The following FLI1 variants were observed in gnomAD, a reference collection of about 807,000 sequenced individuals.
FLI1 encodes Friend leukemia integration 1 transcription factor.
In FLI1, 13 loss-of-function variants were observed where a neutral mutation model predicts 53.1. The ratio of observed to expected loss-of-function variants is 0.24; its 90% CI spans 0.16 to 0.39. FLI1 has a LOEUF of 0.39. Ranked by LOEUF, FLI1 falls within the 10% of genes least tolerant of loss-of-function variation. The pLI is 1.00. For missense variants in FLI1, 424 were observed against 600.5 expected (o/e 0.71, Z 3.07); for synonymous variants, 244 against 236.7 (o/e 1.03, Z -0.28).
intron 1 of FLI1, among the ~76,000 whole-genome samples, chr11:128,724,129 G>A (rs1185699384): frequency 6.6e-6 from 1 of 151,970 alleles, no homozygotes; most frequent in Non-Finnish European, 1.5e-5. Flanking sequence ...ATTTTTAGTA[G>A]AGATGGGGTT....
chr11:128,687,760 G>C (rs1937604470), intron 1 of FLI1, among the ~76,000 whole-genome samples: 1 of 152,152 alleles, frequency 6.6e-6, no homozygotes, highest in African/African-American at 2.4e-5. Context: ...AGGAAAACTT[G>C]TCACACGGAC....
At chr11:128,783,446 C>T (rs957126760) in intron 5 of FLI1, among the ~76,000 whole-genome samples, 1 of 152,220 alleles carries the variant, frequency 6.6e-6, no homozygotes, top group African/African-American at 2.4e-5. Flanking sequence ...TTCCTTCTCT[C>T]CTATCCCACC....
chr11:128,721,476 T>C (rs1269140343), intron 1 of FLI1, among the ~76,000 whole-genome samples: 1 of 152,226 alleles, frequency 6.6e-6, no homozygotes, highest in Non-Finnish European at 1.5e-5. Context: ...TTTTGCTTTA[T>C]GTTTGAAATT....
At chr11:128,700,519 G>A (rs1233399722) in intron 1 of FLI1, among the ~76,000 whole-genome samples, 1 of 152,192 alleles carries the variant, frequency 6.6e-6, no homozygotes, top group Middle Eastern at 3.2e-3. Context: ...ACAGGTGATG[G>A]AGAGGATGGG....
chr11:128,807,550 AAG>A (rs1942817162), intron 7 of FLI1, among the ~76,000 whole-genome samples: 1 of 152,192 alleles, frequency 6.6e-6, no homozygotes, highest in Admixed American at 6.5e-5. Flanking sequence ...TGGTTAATGA[AAG>A]AAATAGGGCT....
intron 1 of FLI1, among the ~76,000 whole-genome samples, chr11:128,751,628 G>A (rs192665969): frequency 4.6e-5 from 7 of 151,600 alleles, no homozygotes; most frequent in South Asian, 2.1e-4. Flanking sequence ...CCGGGTTCAC[G>A]CCATTCTCCC....
At chr11:128,792,435 C>G (rs1942299812) in intron 5 of FLI1, among the ~76,000 whole-genome samples, 1 of 152,324 alleles carries the variant, frequency 6.6e-6, no homozygotes, top group South Asian at 2.1e-4. Flanking sequence ...AGAAATTCCA[C>G]TATAAAGAGG....
At chr11:128,720,708 A>G (rs1939216671) in intron 1 of FLI1, among the ~76,000 whole-genome samples, 1 of 152,224 alleles carries the variant, frequency 6.6e-6, no homozygotes, top group Admixed American at 6.5e-5. Flanking sequence ...GCAGCCACTA[A>G]TAATAGAAGG....
chr11:128,810,073 A>G lies in FLI1; in HGVS notation c.830-386A>G, dbSNP rs2135924133. ...AGGGAATTCCCTGGGGGACATGACC[A>G]CTAATTAGAGATCAGTCAGTGATTC... On this transcript the variant is annotated intron_variant, in intron 8 of 8. Transcript: ENST00000527786. The surrounding 1 kb of genome is among the most constrained non-coding windows in gnomAD (Gnocchi z 6.6). 6.6e-6 allele frequency among the ~76,000 whole-genome samples: 1 copy of G among 151,996 alleles called. No homozygotes were observed. The highest frequency in any genetic ancestry group is 1.9e-4 in the East Asian group (1 of 5,174).
chr11:128,691,906 G>A (rs1175905713), upstream of FLI1: 2 of 152,172 alleles, frequency 1.3e-5, no homozygotes, highest in African/African-American at 4.8e-5. Flanking sequence ...AGGAGGGTGG[G>A]GGGCAGTCGC....
Position 128,759,424 on chromosome 11 carries a change from G to A in FLI1, c.230+1098G>A, listed in dbSNP as rs17137788. ...AGCTGACAGTCCTTGCGCACAGACGGTAGGATGGGAGAGTCAGAAAGACAA... is the reference window on the plus strand; with the variant it reads ...AGCTGACAGTCCTTGCGCACAGACGATAGGATGGGAGAGTCAGAAAGACAA... On this transcript the variant is annotated intron_variant, in intron 2 of 8. Coordinates refer to ENST00000527786, the MANE Select transcript of FLI1 (RefSeq NM_002017.5). 7.3e-3 allele frequency among the ~76,000 whole-genome samples: 1,112 copies of A among 152,344 alleles called. 36 individuals carry two copies. In the East Asian group the frequency reaches 0.087, roughly 12 times the overall value.
chr11:128,782,620 C>T (rs1375214656), intron 5 of FLI1, among the ~76,000 whole-genome samples: 1 of 152,100 alleles, frequency 6.6e-6, no homozygotes, highest in African/African-American at 2.4e-5. Context: ...ATCGCTTGGA[C>T]CCAGGAGGCA....
At chr11:128,759,703 A>G (rs1298737457) in intron 2 of FLI1, among the ~76,000 whole-genome samples, 1 of 152,234 alleles carries the variant, frequency 6.6e-6, no homozygotes, top group Non-Finnish European at 1.5e-5. Flanking sequence ...ATGCTTTAGG[A>G]TGGGATGTCA....
chr11:128,761,099 T>C (rs1941101042), intron 2 of FLI1, among the ~76,000 whole-genome samples: 1 of 152,094 alleles, frequency 6.6e-6, no homozygotes, highest in Non-Finnish European at 1.5e-5. Context: ...TCTGACATCC[T>C]CTCTACTGCC....
upstream of FLI1, among the ~76,000 whole-genome samples, chr11:128,685,422 C>T (rs542534440): frequency 3.3e-5 from 5 of 152,304 alleles, no homozygotes; most frequent in Admixed American, 2.0e-4. Context: ...AGGGTCGGGG[C>T]GCCTCAGTGT....
intron 1 of FLI1, among the ~76,000 whole-genome samples, chr11:128,716,336 C>T (rs942950671): frequency 6.6e-6 from 1 of 152,176 alleles, no homozygotes; most frequent in Non-Finnish European, 1.5e-5. Flanking sequence ...GGAGAGGGGC[C>T]CAGTTCCCCA....
intron 1 of FLI1, among the ~76,000 whole-genome samples, chr11:128,733,587 C>A (rs1331781646): frequency 6.6e-6 from 1 of 152,164 alleles, no homozygotes. Flanking sequence ...CCAACCATTG[C>A]CTAGAATTTG....
chr11:128,748,711 G>A lies in FLI1; in HGVS notation c.19-9404G>A, dbSNP rs12280274. ...TGTGGCAGATTTGGCTGTGTGCTAC[G>A]GCCTAAAATTGGAGACGGCAAAGTG... On this transcript the variant is annotated intron_variant, in intron 1 of 8. Transcript: ENST00000527786. 1.2e-3 allele frequency among the ~76,000 whole-genome samples: 190 copies of A among 152,252 alleles called. 2 individuals carry two copies. Among genetic ancestry groups the A allele is most frequent in the African/African-American group, 4.4e-3 (182 of 41,550 alleles).
rs12283770 is a variant in FLI1 at position 128,777,262 on chromosome 11, T to G, written c.589+4277T>G. 5.3e-5 allele frequency among the ~76,000 whole-genome samples: 8 copies of G among 151,398 alleles called. 1 individual carries two copies. The South Asian group carries it at 1.0e-3, about 20-fold the overall frequency. ...GGGAGCCCCGAGGCCCCGGGGGAGG[T>G]GGGGAGGCAGAAAGAAAAAGAGCCT... is the stretch of plus-strand genomic sequence containing the variant. On this transcript the variant is annotated intron_variant, in intron 4 of 8. Transcript: ENST00000527786.
Sources: allele counts gnomAD v4.1 joint callset (sites outside exome capture counted in the v4.1 genomes callset), GRCh38; gene constraint gnomAD v4.1.1; non-coding constraint Gnocchi (gnomAD v3.1); transcripts MANE v1.5; gene names NCBI Gene and HGNC (gene_info 2026-07-23, HGNC 2026-07-21).